EVI5L: variants seen among roughly 807,000 people sequenced by gnomAD.
The protein encoded by EVI5L is ecotropic viral integration site 5 like, also known as EVI5-like protein.
A neutral mutation model predicts 106.1 loss-of-function variants in EVI5L; 30 were observed. The ratio of observed to expected loss-of-function variants is 0.28; its 90% CI spans 0.21 to 0.38. EVI5L has a LOEUF of 0.38. Ranked by LOEUF, EVI5L falls within the 10% of genes least tolerant of loss-of-function variation. EVI5L has a pLI of 1.00. For missense variants in EVI5L, 809 were observed against 1,098.0 expected (o/e 0.74, Z 3.72); for synonymous variants, 489 against 483.3 (o/e 1.01, Z -0.15).
At chr19:7,842,499 AGT>A (rs370725137) in intron 1 of EVI5L, among the ~76,000 whole-genome samples, 60 of 56,010 alleles carry the variant, frequency 1.1e-3, no homozygotes, top group Non-Finnish European at 1.8e-3. Flanking sequence ...GATGTGTGAA[AGT>A]GTGTGTATCA....
chr19:7,850,119 G>A lies in EVI5L; in HGVS notation c.750G>A (p.Leu250=), dbSNP rs760686773. 4.4e-6 allele frequency: 7 copies of A among 1,602,346 alleles called. No homozygotes were observed. Among genetic ancestry groups the A allele is most frequent in the African/African-American group, 1.3e-5 (1 of 74,820 alleles). The part of the protein sequence containing the change: ...GLCIYQFEYM[L]QEQLPDLNTH... ...GCATCTATCAGTTCGAGTACATGCT[G>A]CAGGTGAGCAGGGCCGCAGGAGAGC... The change falls in exon 6 of 20, where the codon CTG becomes CTA. Residue 250 remains leucine (L), a synonymous_variant. Transcript: ENST00000538904. The surrounding 1 kb of genome is among the most constrained non-coding windows in gnomAD (Gnocchi z 5.4).
At chr19:7,849,787 C>T (rs1979145534) in intron 5 of EVI5L, among the ~76,000 whole-genome samples, 2 of 152,252 alleles carry the variant, frequency 1.3e-5, no homozygotes, top group Non-Finnish European at 2.9e-5. Context: ...TGTTTCCTGC[C>T]GAGTGGCCCT....
At chr19:7,842,191 GTGT>G (rs373196550) in intron 1 of EVI5L, among the ~76,000 whole-genome samples, 24,322 of 130,042 alleles carry the variant, frequency 0.19, 2,541 homozygotes, top group Non-Finnish European at 0.25. Flanking sequence ...ATGGGTGTGT[GTGT>G]TGTGTGTGCA....
Position 7,862,225 on chromosome 19 carries a change from C to G in EVI5L, c.1748C>G (p.Ala583Gly). The change falls in exon 16 of 20, where the codon GCC (alanine) becomes GGC (glycine). Residue 583 changes from alanine to glycine, a missense_variant. This residue lies in a region of EVI5L where 452 missense variants were observed against 509.9 expected (regional missense o/e 0.89). Coordinates refer to ENST00000538904, the MANE Select transcript of EVI5L (RefSeq NM_001159944.3). ...LMSVRLREAQALAEGRELRQR... is the reference protein window; with the variant it reads ...LMSVRLREAQGLAEGRELRQR... ...AGCGTGCGTCTGCGCGAGGCCCAGG[C>G]CCTGGCCGAGGGCCGCGAGCTGCGG... The G allele has an allele frequency of 2.5e-6, 4 of 1,572,668 alleles. No homozygotes were observed. Among genetic ancestry groups the G allele is most frequent in the Non-Finnish European group, 2.6e-6 (3 of 1,160,406 alleles).
intron 17 of EVI5L, among the ~76,000 whole-genome samples, chr19:7,862,747 C>T (rs1358035077): frequency 8.0e-6 from 1 of 124,620 alleles, no homozygotes; most frequent in Non-Finnish European, 1.8e-5. Context: ...ACCACCCCCC[C>T]CCGCGGTCCC....
rs780849292 is a variant in EVI5L at position 7,863,087 on chromosome 19, T to G, written c.2043+20T>G. The G allele has an allele frequency of 4.0e-4, 274 of 690,646 alleles. 1 individual carries two copies. In the South Asian group the frequency reaches 4.0e-3, roughly 10 times the overall value. 42.8% of individuals were successfully genotyped at this position (690,646 alleles called of 1,614,324 possible). ...ATCCAGGTGATCGGCGGGGCCGGGG[T>G]CGGGGGGCGGGGGCGGGGGCAGGGC... On this transcript the variant is annotated intron_variant, in intron 18 of 19. Coordinates refer to ENST00000538904, the MANE Select transcript of EVI5L (RefSeq NM_001159944.3). The surrounding 1 kb of genome is among the most constrained non-coding windows in gnomAD (Gnocchi z 7.7).
rs1979338751 is a variant in EVI5L at position 7,853,108 on chromosome 19, A to G, written c.1010A>G (p.His337Arg). The change falls in exon 9 of 20, where the codon CAC becomes CGC. Residue 337 changes from histidine (H) to arginine (R), a missense_variant. This residue lies in a region of EVI5L where 357 missense variants were observed against 588.1 expected (regional missense o/e 0.61). Transcript: ENST00000538904. ...MSQYFQRVIP[H>R]QFDSCPDKLV... ...CAGTACTTCCAGAGAGTGATCCCCC[A>G]CCAGTTCGACAGCTGCCCGGACAAG... 6.2e-7 allele frequency: 1 copy of G among 1,613,778 alleles called. No homozygotes were observed. Among genetic ancestry groups the G allele is most frequent in the Non-Finnish European group, 8.5e-7 (1 of 1,180,014 alleles).
Position 7,860,653 on chromosome 19 carries a change from T to C in EVI5L, c.1467T>C (p.Leu489=). Residue 489 remains leucine, a synonymous_variant, in exon 14 of 20, where the codon CTT becomes CTC. Transcript: ENST00000538904. The stretch of plus-strand genomic sequence containing the variant: ...GGGAGACGGAGACACTGGGGGCCCT[T>C]CGGGAGATGCAGGACAAGGTTCTCG... ...RLRETETLGA[L]REMQDKVLDM... 1 of 1,593,896 alleles carries C rather than the reference T, an allele frequency of 6.3e-7. No individual in the cohort carries two copies. Among genetic ancestry groups the C allele is most frequent in the Non-Finnish European group, 8.5e-7 (1 of 1,170,470 alleles).
chr19:7,862,678 C>CCCGCCT (rs1979885234), intron 17 of EVI5L, 144 bp downstream of exon 17: 6 of 702,076 alleles, frequency 8.5e-6, no homozygotes, highest in Non-Finnish European at 1.2e-5. Flanking sequence ...CGCCCGCGGC[C>CCCGCCT]CCGCCTCCTG....
chr19:7,846,590 G>A lies in EVI5L; in HGVS notation c.48G>A (p.Leu16=). ...CCGACTCCTCATCCCAGGAGGCCCT[G>A]TCGGCCCCCACCTGCTCCCCAACCT... The part of the protein sequence containing the change: ...LSPDSSSQEA[L]SAPTCSPTSD... Residue 16 remains leucine (L), a synonymous_variant, in exon 2 of 20, where the codon CTG becomes CTA. Transcript: ENST00000538904. 1 of 1,613,828 alleles carries A rather than the reference G, an allele frequency of 6.2e-7. No individual in the cohort carries two copies. Among genetic ancestry groups the A allele is most frequent in the Non-Finnish European group, 8.5e-7 (1 of 1,179,954 alleles).
rs571351312 is a variant in EVI5L at position 7,857,370 on chromosome 19, G to A, written c.1233+246G>A. The A allele has an allele frequency of 6.6e-5, 40 of 607,940 alleles. No individual in the cohort carries two copies. In the East Asian group the frequency reaches 1.1e-3, roughly 17 times the overall value. 37.7% of individuals were successfully genotyped at this position (607,940 alleles called of 1,614,324 possible). A position where few individuals can be genotyped will look rare whatever the true frequency, so the allele number is the denominator to read the frequency against. ...TTTGGGTGTGAATGTCCACATGCAT[G>A]TACAGAAAGCTTCCTCCGGGCGACA... On this transcript the variant is annotated intron_variant, in intron 12 of 19. Transcript: ENST00000538904. This position sits in a 1 kb window ranked among gnomAD's most constrained non-coding sequence, Gnocchi z 4.5.
At chr19:7,843,530 TG>T (rs1490519172) in intron 1 of EVI5L, among the ~76,000 whole-genome samples, 1 of 143,378 alleles carries the variant, frequency 7.0e-6, no homozygotes, top group Non-Finnish European at 1.5e-5. Context: ...AGAATAGGCA[TG>T]GGTGTGTCGA....
chr19:7,857,097 C>A lies in EVI5L; in HGVS notation c.1206C>A (p.Ser402Arg). Reference protein sequence around the residue: ...KQRIETLEKESAALADRLIQG... With the variant: ...KQRIETLEKERAALADRLIQG... The stretch of plus-strand genomic sequence containing the variant: ...GAACCCCCTTCGCCGGGTAGGAGAG[C>A]GCTGCTCTGGCTGATAGGTTAATCC... Residue 402 changes from serine to arginine, a missense_variant, in exon 12 of 20, where the codon AGC becomes AGA. Coordinates refer to ENST00000538904, the MANE Select transcript of EVI5L (RefSeq NM_001159944.3). The surrounding 1 kb of genome is among the most constrained non-coding windows in gnomAD (Gnocchi z 4.5). 1 of 1,551,810 alleles carries A rather than the reference C, an allele frequency of 6.4e-7. No homozygotes were observed. Among genetic ancestry groups the A allele is most frequent in the Non-Finnish European group, 8.7e-7 (1 of 1,147,018 alleles).
intron 8 of EVI5L, among the ~76,000 whole-genome samples, chr19:7,852,203 C>T (rs1424054136): frequency 6.6e-6 from 1 of 152,224 alleles, no homozygotes; most frequent in African/African-American, 2.4e-5. Flanking sequence ...GCCCGGCCTG[C>T]CTGGAGGCCC....
intron 13 of EVI5L, among the ~76,000 whole-genome samples, chr19:7,859,836 G>A (rs948092998): frequency 2.0e-5 from 3 of 152,240 alleles, no homozygotes; most frequent in African/African-American, 7.2e-5. Context: ...ATGGGGCCTG[G>A]AGGCCATCTG....
intron 1 of EVI5L, among the ~76,000 whole-genome samples, chr19:7,843,253 TAG>T (rs1978749077): frequency 6.9e-6 from 1 of 145,420 alleles, no homozygotes; most frequent in African/African-American, 2.6e-5. Context: ...CATGTGTGTA[TAG>T]GTGTGTGTGA....
intron 1 of EVI5L, among the ~76,000 whole-genome samples, chr19:7,836,490 G>A (rs1239666550): frequency 6.6e-6 from 1 of 152,148 alleles, no homozygotes; most frequent in Non-Finnish European, 1.5e-5. Context: ...GGTGGATTTA[G>A]GGCAAAGGCT....
rs200310423 is a variant in EVI5L, at chr19:7,862,362, C to T, written c.1801-26C>T. The stretch of plus-strand genomic sequence containing the variant: ...GTTAGGCCCTGACCGCCGCCGTCCT[C>T]CGTCCTCCCTTCCTCCCTATCCCAG... On this transcript the variant is annotated intron_variant, in intron 16 of 19. Transcript: ENST00000538904. The T allele has an allele frequency of 2.1e-4, 333 of 1,585,764 alleles. 2 individuals carry two copies. In the African/African-American group the frequency reaches 3.4e-3, roughly 16 times the overall value.
chr19:7,846,020 A>T (rs1978932640), intron 1 of EVI5L, among the ~76,000 whole-genome samples: 1 of 152,158 alleles, frequency 6.6e-6, no homozygotes, highest in Non-Finnish European at 1.5e-5. Context: ...TGAGATGGGG[A>T]AGTCAGACAC....
Sources: allele counts gnomAD v4.1 joint callset (sites outside exome capture counted in the v4.1 genomes callset), GRCh38; gene constraint gnomAD v4.1.1; regional missense constraint gnomAD v4.1.1; non-coding constraint Gnocchi (gnomAD v3.1); transcripts MANE v1.5; gene names NCBI Gene and HGNC (gene_info 2026-07-23, HGNC 2026-07-21).